PLXNA4: variants seen among roughly 807,000 people sequenced by gnomAD.
PLXNA4 encodes plexin-A4.
Under a neutral mutation model 191.8 loss-of-function variants are expected in PLXNA4, and 44 were observed. The ratio of observed to expected loss-of-function variants is 0.23; its 90% confidence interval spans 0.18 to 0.29. PLXNA4 has a LOEUF of 0.29. Ranked by LOEUF, PLXNA4 falls within the 10% of genes least tolerant of loss-of-function variation. The pLI, the probability that PLXNA4 is intolerant of heterozygous loss-of-function variation, is 1.00. For synonymous variants in PLXNA4, 1,082 were observed against 1,009.5 expected (o/e 1.07, Z -1.36); for missense variants, 1,800 against 2,488.8 (o/e 0.72, Z 5.89).
intron 2 of PLXNA4, among the ~76,000 whole-genome samples, chr7:132,628,284 G>A (rs1364580790): frequency 6.6e-6 from 1 of 152,224 alleles, no homozygotes. Flanking sequence ...TAATGTTGTT[G>A]ATGAGAAGAC....
chr7:132,220,970 G>A (rs1481600618), intron 9 of PLXNA4, among the ~76,000 whole-genome samples: 1 of 151,648 alleles, frequency 6.6e-6, no homozygotes, highest in East Asian at 1.9e-4. Context: ...GCATCGCCAT[G>A]CCCAGCTTAC....
chr7:132,280,063 A>C (rs1292832446), intron 4 of PLXNA4, among the ~76,000 whole-genome samples: 1 of 152,162 alleles, frequency 6.6e-6, no homozygotes, highest in Non-Finnish European at 1.5e-5. Flanking sequence ...ATTCTATTCG[A>C]CTTTATTCTA....
chr7:132,641,594 C>T (rs4731890), intron 2 of PLXNA4, among the ~76,000 whole-genome samples: 5,684 of 152,204 alleles, frequency 0.037, 495 homozygotes, highest in East Asian at 0.28. Flanking sequence ...TCTTGTAAAG[C>T]ATTTTGTTGT....
rs558567944 is a variant in PLXNA4 at position 132,421,702 on chromosome 7, G to T, written c.1371+67590C>A. On this transcript the variant is annotated intron_variant, in intron 3 of 31. Coordinates refer to ENST00000321063, the MANE Select transcript of PLXNA4 (RefSeq NM_020911.2). ...TCAAACACAAAACTTACAACTTAGT[G>T]CTCAAAATGGTAATTATTATTATTA... 4.6e-5 allele frequency among the ~76,000 whole-genome samples: 7 copies of T among 152,106 alleles called. No homozygotes were observed. In the South Asian group the frequency reaches 1.5e-3, roughly 32 times the overall value.
chr7:132,203,175 A>G, intron 11 of PLXNA4, 148 bp downstream of exon 11: 1 of 707,146 alleles, frequency 1.4e-6, no homozygotes, highest in Non-Finnish European at 2.4e-6. Flanking sequence ...CAGATGGTGG[A>G]GAGGCTGTGA....
chr7:132,380,742 C>G (rs907311294), intron 3 of PLXNA4, among the ~76,000 whole-genome samples: 1 of 152,164 alleles, frequency 6.6e-6, no homozygotes, highest in Non-Finnish European at 1.5e-5. Flanking sequence ...GTTTCCAAAC[C>G]CTATCACCCA....
At chr7:132,139,782 G>A (rs1795211467) in intron 30 of PLXNA4, among the ~76,000 whole-genome samples, 1 of 152,140 alleles carries the variant, frequency 6.6e-6, no homozygotes, top group South Asian at 2.1e-4. Context: ...AAATCATCTT[G>A]GGCAGATTAC....
intron 9 of PLXNA4, among the ~76,000 whole-genome samples, chr7:132,216,361 G>A (rs1187466616): frequency 6.6e-6 from 1 of 152,184 alleles, no homozygotes; most frequent in Non-Finnish European, 1.5e-5. Context: ...AATAATACCT[G>A]CAAAACTAGC....
intron 2 of PLXNA4, among the ~76,000 whole-genome samples, chr7:132,640,532 T>TATGAGAGCACA (rs751027403): frequency 1.8e-4 from 27 of 152,116 alleles, no homozygotes; most frequent in Non-Finnish European, 1.5e-4. Flanking sequence ...GAAAAGGGGT[T>TATGAGAGCACA]ATGAGAGCAC....
chr7:132,620,807 C>T (rs917632687), intron 2 of PLXNA4, among the ~76,000 whole-genome samples: 5 of 152,172 alleles, frequency 3.3e-5, no homozygotes, highest in Admixed American at 6.5e-5. Context: ...CTTAGTCGTT[C>T]GGGCTGCTAT....
At chr7:132,415,308 G>A (rs904385158) in intron 3 of PLXNA4, among the ~76,000 whole-genome samples, 19 of 152,358 alleles carry the variant, frequency 1.2e-4, no homozygotes, top group Admixed American at 7.8e-4. Flanking sequence ...CTGAAGAAAT[G>A]AGATTGCAGG....
intron 3 of PLXNA4, among the ~76,000 whole-genome samples, chr7:132,309,090 A>G (rs1261008537): frequency 1.3e-5 from 2 of 152,152 alleles, no homozygotes; most frequent in Non-Finnish European, 2.9e-5. Flanking sequence ...AATTGTACAG[A>G]ACAAAATGGA....
intron 30 of PLXNA4, among the ~76,000 whole-genome samples, chr7:132,134,768 C>A (rs2671091): frequency 0.036 from 5,467 of 152,268 alleles, 316 homozygotes; most frequent in African/African-American, 0.13. Context: ...GCCCCCGTCT[C>A]ATTTGTATTT....
chr7:132,316,334 A>G (rs1801943095), intron 3 of PLXNA4, among the ~76,000 whole-genome samples: 1 of 151,576 alleles, frequency 6.6e-6, no homozygotes, highest in African/African-American at 2.4e-5. Context: ...CTCTAACCAG[A>G]GTTTGGGAAA....
chr7:132,317,351 GGTTGGGTTGT>G (rs1222810055), intron 3 of PLXNA4, among the ~76,000 whole-genome samples: 1 of 151,804 alleles, frequency 6.6e-6, no homozygotes, highest in African/African-American at 2.4e-5. Flanking sequence ...GACTGGATTG[GGTTGGGTTGT>G]GTTGGGTTGT....
At chr7:132,162,310 TTCTTTCC>T (rs931573550) in intron 24 of PLXNA4, among the ~76,000 whole-genome samples, 2 of 152,208 alleles carry the variant, frequency 1.3e-5, no homozygotes, top group Non-Finnish European at 2.9e-5. Context: ...CAATTGCAGT[TTCTTTCC>T]TCTTTCCTCA....
intron 3 of PLXNA4, among the ~76,000 whole-genome samples, chr7:132,373,003 T>A (rs1804508278): frequency 6.6e-6 from 1 of 152,238 alleles, no homozygotes; most frequent in Non-Finnish European, 1.5e-5. Context: ...GCCAAACATT[T>A]ATTACTTACT....
intron 3 of PLXNA4, among the ~76,000 whole-genome samples, chr7:132,483,175 G>T (rs1264943577): frequency 1.3e-5 from 2 of 152,114 alleles, no homozygotes; most frequent in African/African-American, 2.4e-5. Context: ...GCTGTGAATT[G>T]GTCCAACTGC....
intron 14 of PLXNA4, among the ~76,000 whole-genome samples, chr7:132,192,445 G>A (rs1365902832): frequency 6.6e-6 from 1 of 151,308 alleles, no homozygotes; most frequent in Non-Finnish European, 1.5e-5. Flanking sequence ...GAGGGAGGAA[G>A]GAAGGAAGCA....
Sources: gnomAD v4.1 joint callset for allele counts (sites outside exome capture counted in the v4.1 genomes callset) on GRCh38, gnomAD v4.1.1 for gene constraint, MANE v1.5 for transcripts, NCBI Gene and HGNC (gene_info 2026-07-23, HGNC 2026-07-21) for gene names.